The following PCDH15 variants were observed in gnomAD, a reference collection of about 807,000 sequenced individuals.
PCDH15 encodes protocadherin related 15.
A neutral mutation model predicts 178.5 loss-of-function variants in PCDH15; 129 were observed. The ratio of observed to expected loss-of-function variants is 0.72; its 90% CI spans 0.63 to 0.84. The LOEUF (loss-of-function observed/expected upper bound fraction) is 0.84, where lower values mean the gene tolerates loss of function less well. Ranked by LOEUF, PCDH15 falls within the 40% of genes least tolerant of loss-of-function variation. The pLI is 0.00. For missense variants in PCDH15, 2,230 were observed against 2,099.9 expected (o/e 1.06, Z -1.21); for synonymous variants, 800 against 732.0 (o/e 1.09, Z -1.50).
intron 2 of PCDH15, among the ~76,000 whole-genome samples, chr10:54,582,789 C>G (rs140697477): frequency 5.9e-5 from 9 of 152,074 alleles, no homozygotes; most frequent in African/African-American, 2.2e-4. Context: ...TGGTGCACAC[C>G]TCTCGGCAGG....
intron 2 of PCDH15, among the ~76,000 whole-genome samples, chr10:55,542,164 G>A (rs1841775451): frequency 6.6e-6 from 1 of 150,992 alleles, no homozygotes; most frequent in Admixed American, 6.6e-5. Flanking sequence ...GTCTATATAT[G>A]TACATATGTA....
At position 55,075,001 on chromosome 10, in the gene PCDH15, G is replaced by T. The variant is rs149100305; in HGVS notation, c.-80+91575C>A. Among the ~76,000 whole-genome samples the T allele has an allele frequency of 3.4e-3, 510 of 152,168 alleles. 2 individuals are homozygous for T. The highest frequency in any genetic ancestry group is 6.8e-3 in the South Asian group (33 of 4,832). On this transcript the variant is annotated intron_variant, in intron 2 of 5. Coordinates refer to the PCDH15 transcript ENST00000458638. The stretch of plus-strand genomic sequence containing the variant: ...CTTTCCCTATTGCTTGTTTTAGTCA[G>T]GTTTGTCAAAGATCAGATGACGTAG...
At position 53,806,399 on chromosome 10, in the gene PCDH15, C is replaced by T. The variant is rs951948185; in HGVS notation, c.*180G>A. The stretch of plus-strand genomic sequence containing the variant: ...GTCCAAAAGGATTTTCTGGGAAAAA[C>T]GATTAATTGATAACAATGTGAGTGC... On this transcript the variant is annotated 3_prime_UTR_variant, in exon 38 of 38. Coordinates refer to ENST00000644397, the MANE Select transcript of PCDH15 (RefSeq NM_001384140.1). The T allele has an allele frequency of 1.3e-5, 7 of 553,908 alleles. No individual in the cohort carries two copies. The highest frequency in any genetic ancestry group is 4.8e-4 in the Middle Eastern group (1 of 2,088). 34.3% of individuals were successfully genotyped at this position (553,908 alleles called of 1,614,324 possible).
intron 7 of PCDH15, among the ~76,000 whole-genome samples, chr10:54,322,764 G>A (rs2061693025): frequency 6.6e-6 from 1 of 152,026 alleles, no homozygotes; most frequent in Non-Finnish European, 1.5e-5. Context: ...AAAAATCCTA[G>A]AGGAAAACCT....
chr10:55,551,846 A>G (rs1842009293), intron 2 of PCDH15, among the ~76,000 whole-genome samples: 1 of 151,816 alleles, frequency 6.6e-6, no homozygotes. Flanking sequence ...TAAATGTTGA[A>G]TTTGAGCTAA....
chr10:54,555,987 C>A (rs1466426005), intron 2 of PCDH15, among the ~76,000 whole-genome samples: 2 of 152,044 alleles, frequency 1.3e-5, no homozygotes, highest in East Asian at 1.9e-4. Flanking sequence ...CAAAAGCCAG[C>A]AGTTGTGTCT....
rs538979651 is a variant in PCDH15 at position 54,645,278 on chromosome 10, G to A, written c.91+18894C>T. On this transcript the variant is annotated intron_variant, in intron 2 of 37. Transcript: ENST00000644397. ...TGGAATTTAAATTAGCTAGCCGGTG[G>A]TAGAGAGATGACAAGAGTTTAGCAA... is the stretch of plus-strand genomic sequence containing the variant. Among the ~76,000 whole-genome samples, 10 of 152,128 alleles carry A rather than the reference G, an allele frequency of 6.6e-5. No individual in the cohort carries two copies. In the South Asian group the frequency reaches 2.1e-3, roughly 32 times the overall value.
intron 15 of PCDH15, among the ~76,000 whole-genome samples, chr10:54,124,453 G>A (rs2041823827): frequency 6.6e-6 from 1 of 151,400 alleles, no homozygotes; most frequent in South Asian, 2.1e-4. Flanking sequence ...TAATGCCAAA[G>A]ATGGTTATAA....
At chr10:55,512,541 A>C (rs902632622) in intron 2 of PCDH15, among the ~76,000 whole-genome samples, 1 of 152,046 alleles carries the variant, frequency 6.6e-6, no homozygotes, top group African/African-American at 2.4e-5. Flanking sequence ...CAGGTATTTG[A>C]GAATTCTTCC....
chr10:55,170,711 G>C (rs549905853), intron 1 of PCDH15, among the ~76,000 whole-genome samples: 1 of 151,778 alleles, frequency 6.6e-6, no homozygotes, highest in Admixed American at 6.6e-5. Context: ...GTGAAACCCC[G>C]TCTCCACTAA....
intron 2 of PCDH15, among the ~76,000 whole-genome samples, chr10:55,419,021 A>G (rs1324304408): frequency 1.3e-5 from 2 of 151,784 alleles, no homozygotes; most frequent in Non-Finnish European, 2.9e-5. Context: ...GTGACAAAAT[A>G]GCAATTTTTT....
At chr10:54,416,242 A>C (rs1332269021) in intron 3 of PCDH15, among the ~76,000 whole-genome samples, 19 of 152,008 alleles carry the variant, frequency 1.2e-4, no homozygotes, top group African/African-American at 4.6e-4. Context: ...GGTTTGCTGC[A>C]CCTATTGACC....
At chr10:54,983,534 A>T (rs1292855010) in intron 2 of PCDH15, among the ~76,000 whole-genome samples, 1 of 152,126 alleles carries the variant, frequency 6.6e-6, no homozygotes, top group African/African-American at 2.4e-5. Context: ...TCTTGGAATA[A>T]CCAGGCCTGA....
intron 15 of PCDH15, among the ~76,000 whole-genome samples, chr10:54,095,779 T>C (rs932145365): frequency 6.6e-5 from 10 of 152,130 alleles, no homozygotes; most frequent in Admixed American, 3.3e-4. Flanking sequence ...TTCCGTTAGA[T>C]TTAGGGATAC....
chr10:53,827,315 A>T (rs1197220661), intron 32 of PCDH15, 78 bp downstream of exon 32: 1 of 1,491,604 alleles, frequency 6.7e-7, no homozygotes, highest in Non-Finnish European at 9.0e-7. Context: ...TTTCCACATC[A>T]GATTGAAATT....
In PCDH15 at chr10:54,208,719, CTGTG is replaced by C. The variant is rs372416361; in HGVS notation, c.1098+5213_1098+5216del. The stretch of plus-strand genomic sequence containing the variant: ...GTGGCCTGAACTGACTAGTACGTGT[CTGTG>C]TGTGTGTGCGTGTGCGTGTGCATGT... On this transcript the variant is annotated intron_variant, in intron 10 of 37. Coordinates refer to ENST00000644397, the MANE Select transcript of PCDH15 (RefSeq NM_001384140.1). 1.7e-3 allele frequency among the ~76,000 whole-genome samples: 265 copies of C among 151,660 alleles called. 1 individual carries two copies. The highest frequency in any genetic ancestry group is 3.5e-3 in the South Asian group (17 of 4,806).
At chr10:54,483,685 T>G (rs527671808) in intron 3 of PCDH15, among the ~76,000 whole-genome samples, 58 of 151,998 alleles carry the variant, frequency 3.8e-4, no homozygotes, top group African/African-American at 1.3e-3. Context: ...CTATACTTTG[T>G]CCACTCCATT....
intron 15 of PCDH15, among the ~76,000 whole-genome samples, chr10:54,099,314 C>T (rs562673555): frequency 1.3e-5 from 2 of 151,776 alleles, no homozygotes; most frequent in East Asian, 3.9e-4. Flanking sequence ...TCCTGGCTAA[C>T]ATGGTGAAAC....
intron 2 of PCDH15, among the ~76,000 whole-genome samples, chr10:55,023,066 C>T (rs11004679): frequency 0.46 from 69,686 of 151,172 alleles, 17,870 homozygotes; most frequent in East Asian, 0.75. Context: ...CTCAGCCTCC[C>T]GAGTAGCTGG....
Sources: gnomAD v4.1 joint callset for allele counts (sites outside exome capture counted in the v4.1 genomes callset) on GRCh38, gnomAD v4.1.1 for gene constraint, MANE v1.5 for transcripts, NCBI Gene and HGNC (gene_info 2026-07-23, HGNC 2026-07-21) for gene names.